The following TENM2 variants were observed in gnomAD, a reference collection of about 807,000 sequenced individuals.
The protein encoded by TENM2 is teneurin transmembrane protein 2.
In TENM2, 52 loss-of-function variants were observed where a neutral mutation model predicts 245.2. That is an observed-to-expected ratio of 0.21 (90% CI 0.17 to 0.27). TENM2 has a LOEUF of 0.27. TENM2 is among the 10% of genes least tolerant of loss of function. The probability of loss-of-function intolerance (pLI) is 1.00; values close to 1 mark genes in which losing one functional copy is unlikely to be tolerated. For missense variants in TENM2, 3,046 were observed against 3,666.8 expected, an observed-to-expected ratio of 0.83 and a Z score of 4.37; for synonymous variants, 1,363 against 1,438.9, an observed-to-expected ratio of 0.95 and a Z score of 1.19.
the TENM2 span, among the ~76,000 whole-genome samples, chr5:167,109,441 A>T: frequency 2.6e-5 from 4 of 152,142 alleles, no homozygotes; most frequent in Non-Finnish European, 5.9e-5. Flanking sequence ...TTGATATTTT[A>T]TTTAAAATAT....
intron 2 of TENM2, among the ~76,000 whole-genome samples, chr5:167,502,117 A>C (rs1769248779): frequency 6.6e-6 from 1 of 152,130 alleles, no homozygotes; most frequent in African/African-American, 2.4e-5. Flanking sequence ...ACCACTTTTC[A>C]CTTGTAATAT....
intron 13 of TENM2, among the ~76,000 whole-genome samples, chr5:168,173,043 C>G (rs892085486): frequency 6.6e-6 from 1 of 152,204 alleles, no homozygotes; most frequent in Non-Finnish European, 1.5e-5. Context: ...GGTGATTCTC[C>G]TCCTCTGCCT....
intron 19 of TENM2, among the ~76,000 whole-genome samples, chr5:168,205,593 G>A (rs1562279943): frequency 6.6e-6 from 1 of 152,086 alleles, no homozygotes; most frequent in East Asian, 1.9e-4. Context: ...TCAGCCATGG[G>A]GAGATCTGGG....
At chr5:167,172,915 A>C in the TENM2 span, among the ~76,000 whole-genome samples, 2 of 152,148 alleles carry the variant, frequency 1.3e-5, no homozygotes, top group African/African-American at 4.8e-5. Flanking sequence ...ACATGATTTT[A>C]TCTTTCAAAA....
the TENM2 span, among the ~76,000 whole-genome samples, chr5:167,067,637 G>C: frequency 1.3e-5 from 2 of 152,296 alleles, no homozygotes; most frequent in African/African-American, 4.8e-5. Flanking sequence ...TTTATTCTAA[G>C]CATATCTTGT....
the TENM2 span, among the ~76,000 whole-genome samples, chr5:167,278,218 C>T: frequency 1.3e-5 from 2 of 151,990 alleles, no homozygotes; most frequent in Admixed American, 6.6e-5. Context: ...ACAGGAAGAT[C>T]GCTTGTGTCT....
chr5:167,749,509 G>A (rs1273702430), intron 2 of TENM2, among the ~76,000 whole-genome samples: 3 of 151,962 alleles, frequency 2.0e-5, no homozygotes, highest in Admixed American at 6.6e-5. Context: ...GTGGTGGTGG[G>A]CACCTATAAT....
chr5:167,422,439 A>C (rs933589412), intron 2 of TENM2, among the ~76,000 whole-genome samples: 4 of 152,214 alleles, frequency 2.6e-5, no homozygotes, highest in African/African-American at 9.6e-5. Context: ...CCCAAAGCTA[A>C]TAGGTGAAAA....
chr5:168,045,715 AT>A (rs1338123799), intron 5 of TENM2, among the ~76,000 whole-genome samples: 1 of 152,218 alleles, frequency 6.6e-6, no homozygotes, highest in African/African-American at 2.4e-5. Flanking sequence ...CAATAGTATC[AT>A]TTTTTTAAAA....
intron 5 of TENM2, among the ~76,000 whole-genome samples, chr5:168,036,677 G>GTATATATATATATATATATA (rs60784450): frequency 8.5e-6 from 1 of 117,790 alleles, no homozygotes; most frequent in African/African-American, 3.4e-5. Context: ...ATATGTATGT[G>GTATATATATATATATATATA]TATATATATA....
chr5:167,800,124 A>T (rs1344141934), intron 2 of TENM2, among the ~76,000 whole-genome samples: 1 of 152,218 alleles, frequency 6.6e-6, no homozygotes, highest in East Asian at 1.9e-4. Context: ...AATCCACTGG[A>T]GGTCCTTTTT....
chr5:167,710,201 G>A (rs1344262620), intron 2 of TENM2, among the ~76,000 whole-genome samples: 1 of 152,114 alleles, frequency 6.6e-6, no homozygotes, highest in East Asian at 1.9e-4. Flanking sequence ...CTCTGTGGTG[G>A]TATGTGTGTG....
intron 4 of TENM2, among the ~76,000 whole-genome samples, chr5:167,954,297 C>A (rs1290472344): frequency 6.6e-6 from 1 of 152,060 alleles, no homozygotes; most frequent in African/African-American, 2.4e-5. Context: ...TCCAAACTAA[C>A]ACGAAAAATC....
At chr5:167,498,874 T>C (rs1196372702) in intron 2 of TENM2, among the ~76,000 whole-genome samples, 2 of 152,180 alleles carry the variant, frequency 1.3e-5, no homozygotes, top group South Asian at 2.1e-4. Flanking sequence ...CGATATTCTC[T>C]GTATAGGGGA....
At chr5:167,120,593 G>C in the TENM2 span, among the ~76,000 whole-genome samples, 1 of 152,174 alleles carries the variant, frequency 6.6e-6, no homozygotes, top group Non-Finnish European at 1.5e-5. Context: ...TTTAGATTCC[G>C]TGGCAGTACC....
At chr5:168,047,580 A>C (rs973171929) in intron 6 of TENM2, 31 bp downstream of exon 8, 1 of 1,548,020 alleles carries the variant, frequency 6.5e-7, no homozygotes, top group Non-Finnish European at 8.7e-7. Context: ...TGCCCTCTTG[A>C]GGTCACAGGA....
At chr5:167,985,338 C>G (rs1783161213) in intron 4 of TENM2, among the ~76,000 whole-genome samples, 1 of 152,096 alleles carries the variant, frequency 6.6e-6, no homozygotes, top group Admixed American at 6.5e-5. Flanking sequence ...CCTCTGAATA[C>G]CCATGAGTTT....
At chr5:167,751,209 A>G (rs1165914138) in intron 2 of TENM2, among the ~76,000 whole-genome samples, 1 of 152,184 alleles carries the variant, frequency 6.6e-6, no homozygotes, top group African/African-American at 2.4e-5. Flanking sequence ...AGAGGTTCTT[A>G]AAGAGGTAAG....
chr5:168,092,998 G>A (rs544912291), intron 8 of TENM2, among the ~76,000 whole-genome samples: 1 of 152,318 alleles, frequency 6.6e-6, no homozygotes, highest in African/African-American at 2.4e-5. Flanking sequence ...TTTTCCAACT[G>A]AGGAAGCCAA....
Sources: gnomAD v4.1 joint callset for allele counts (sites outside exome capture counted in the v4.1 genomes callset) on GRCh38, gnomAD v4.1.1 for gene constraint, MANE v1.5 for transcripts, NCBI Gene and HGNC (gene_info 2026-07-23, HGNC 2026-07-21) for gene names.